MLLT3: variants seen among roughly 807,000 people sequenced by gnomAD.
The protein encoded by MLLT3 is MLLT3 super elongation complex subunit.
In MLLT3, 4 loss-of-function variants were observed where a neutral mutation model predicts 53.2. That is an observed-to-expected ratio of 0.08 (90% confidence interval 0.04 to 0.17). The LOEUF is 0.17. Among genes scored for constraint, MLLT3 ranks in the 10% least tolerant of loss-of-function variants. MLLT3 has a pLI of 1.00. For missense variants in MLLT3, 569 were observed against 684.0 expected, an observed-to-expected ratio of 0.83 and a Z score of 1.87; for synonymous variants, 283 against 230.6, an observed-to-expected ratio of 1.23 and a Z score of -2.06.
At chr9:20,375,542 C>G (rs1821739719) in intron 5 of MLLT3, among the ~76,000 whole-genome samples, 1 of 151,662 alleles carries the variant, frequency 6.6e-6, no homozygotes, top group Admixed American at 6.6e-5. Flanking sequence ...TAACATTTGT[C>G]CAATCAATAT....
Position 20,615,874 on chromosome 9 carries a change from G to GAA in MLLT3, c.193+4778_193+4779dup, listed in dbSNP as rs10579863. ...GTCTTCTATTAAAACAAAGAGATTT[G>GAA]AAAAAAAAAAAAAAAAAGAAAAGAA... On this transcript the variant is annotated intron_variant, in intron 2 of 10. Coordinates refer to ENST00000380338, the MANE Select transcript of MLLT3 (RefSeq NM_004529.4). Among the ~76,000 whole-genome samples the GAA allele has an allele frequency of 4.3e-3, 566 of 132,568 alleles. 5 individuals are homozygous for GAA. Among genetic ancestry groups the GAA allele is most frequent in the African/African-American group, 0.015 (524 of 34,612 alleles). 87.0% of individuals were successfully genotyped at this position (132,568 alleles called of 152,430 possible).
chr9:20,516,192 G>A (rs1193762624), intron 2 of MLLT3, among the ~76,000 whole-genome samples: 1 of 152,262 alleles, frequency 6.6e-6, no homozygotes, highest in African/African-American at 2.4e-5. Context: ...CATGAAGGAG[G>A]AGAAAGTATC....
At chr9:20,507,474 C>G (rs780857670) in intron 2 of MLLT3, among the ~76,000 whole-genome samples, 1 of 151,968 alleles carries the variant, frequency 6.6e-6, no homozygotes, top group Non-Finnish European at 1.5e-5. Context: ...TAAAAAGGTC[C>G]TAGTTTATAT....
chr9:20,343,589 G>A lies in MLLT3; in HGVS notation c.*2854C>T. On this transcript the variant is annotated 3_prime_UTR_variant, in exon 11 of 11. Coordinates refer to ENST00000380338, the MANE Select transcript of MLLT3 (RefSeq NM_004529.4). ...GCAAAAGCTAAGTTATAAGGGGGCA[G>A]AGGGGCAGGAGCTCTGTACATATAT... 1 of 229,878 alleles carries A rather than the reference G, an allele frequency of 4.4e-6. No individual in the cohort carries two copies. Among genetic ancestry groups the A allele is most frequent in the Non-Finnish European group, 8.6e-6 (1 of 115,890 alleles). The allele number at this position is 229,878 out of a possible 1,614,324, so 14.2% of individuals were successfully genotyped here. A position where few individuals can be genotyped will look rare whatever the true frequency, so the allele number is the denominator to read the frequency against.
At chr9:20,510,796 C>A (rs541827017) in intron 2 of MLLT3, among the ~76,000 whole-genome samples, 1 of 151,972 alleles carries the variant, frequency 6.6e-6, no homozygotes, top group African/African-American at 2.4e-5. Context: ...TTAAATTATA[C>A]ATCCTTTAGT....
At chr9:20,589,003 C>A (rs1820053920) in intron 2 of MLLT3, among the ~76,000 whole-genome samples, 1 of 151,200 alleles carries the variant, frequency 6.6e-6, no homozygotes, top group African/African-American at 2.4e-5. Flanking sequence ...TAAACTAGTT[C>A]AACCATTGTG....
chr9:20,505,877 C>T (rs1446787672), intron 2 of MLLT3, among the ~76,000 whole-genome samples: 2 of 152,172 alleles, frequency 1.3e-5, no homozygotes, highest in South Asian at 2.1e-4. Context: ...TTAGATACCC[C>T]CTCAGTGTGA....
At chr9:20,453,605 C>G (rs915083227) in intron 3 of MLLT3, among the ~76,000 whole-genome samples, 1 of 152,112 alleles carries the variant, frequency 6.6e-6, no homozygotes, top group African/African-American at 2.4e-5. Context: ...TTCTTCATTC[C>G]TCTCCTCCAG....
intron 5 of MLLT3, among the ~76,000 whole-genome samples, chr9:20,401,365 T>C: frequency 6.6e-6 from 1 of 152,142 alleles, no homozygotes; most frequent in East Asian, 1.9e-4. Context: ...CAGGAAGGTG[T>C]TTTGGGATAA....
At chr9:20,360,683 G>T in intron 8 of MLLT3, 59 bp downstream of exon 8, 3 of 1,391,070 alleles carry the variant, frequency 2.2e-6, no homozygotes, top group Admixed American at 3.4e-5. Context: ...TGCATGCTTT[G>T]TAAAAATGAT....
intron 10 of MLLT3, among the ~76,000 whole-genome samples, chr9:20,353,320 G>C (rs1197935294): frequency 6.6e-6 from 1 of 152,152 alleles, no homozygotes; most frequent in East Asian, 1.9e-4. Flanking sequence ...TGCACTAGAG[G>C]AGGGAGAACA....
In MLLT3 at chr9:20,346,548, T is replaced by C. The variant is rs947688057; in HGVS notation, c.1602A>G (p.Gly534=). The C allele has an allele frequency of 3.7e-6, 6 of 1,613,704 alleles. No individual in the cohort carries two copies. Among genetic ancestry groups the C allele is most frequent in the Middle Eastern group, 1.6e-4 (1 of 6,062 alleles). The change falls in exon 11 of 11, where the codon GGA becomes GGG. Residue 534 remains glycine (G), a synonymous_variant. Transcript: ENST00000380338. ...QQIVNLIEET[G]HFHITNTTFD... is the part of the protein sequence containing the mutation. The stretch of plus-strand genomic sequence containing the variant: ...ATGTTGTGTTTGTGATATGAAAGTG[T>C]CCAGTTTCTTCTATAAGGTTCACGA...
chr9:20,512,158 T>C (rs1817768323), intron 2 of MLLT3, among the ~76,000 whole-genome samples: 1 of 152,238 alleles, frequency 6.6e-6, no homozygotes, highest in Non-Finnish European at 1.5e-5. Context: ...ATTCTTGATA[T>C]GCCTCCAAGA....
intron 5 of MLLT3, among the ~76,000 whole-genome samples, chr9:20,408,550 A>G (rs975699887): frequency 7.2e-5 from 11 of 152,178 alleles, no homozygotes; most frequent in African/African-American, 2.7e-4. Flanking sequence ...CAGTTATAAA[A>G]CACAGAAAAC....
intron 2 of MLLT3, among the ~76,000 whole-genome samples, chr9:20,461,427 G>C (rs1824105533): frequency 6.6e-6 from 1 of 152,070 alleles, no homozygotes; most frequent in Non-Finnish European, 1.5e-5. Flanking sequence ...TAATTAGTTA[G>C]AAATAAGTCA....
Position 20,346,533 on chromosome 9 carries a change from T to C in MLLT3, c.1617A>G (p.Thr539=), listed in dbSNP as rs1820874720. 1.2e-6 allele frequency: 2 copies of C among 1,613,690 alleles called. No homozygotes were observed. The highest frequency in any genetic ancestry group is 8.5e-7 in the Non-Finnish European group (1 of 1,179,778). ...LIEETGHFHI[T]NTTFDFDLCS... is the part of the protein sequence containing the mutation. ...AAAGATCAAAATCAAATGTTGTGTT[T>C]GTGATATGAAAGTGTCCAGTTTCTT... is the stretch of plus-strand genomic sequence containing the variant. Residue 539 remains threonine (T), a synonymous_variant, in exon 11 of 11, where the codon ACA becomes ACG. Coordinates refer to ENST00000380338, the MANE Select transcript of MLLT3 (RefSeq NM_004529.4).
intron 2 of MLLT3, among the ~76,000 whole-genome samples, chr9:20,537,503 A>G (rs1386131130): frequency 6.6e-6 from 1 of 152,180 alleles, no homozygotes; most frequent in Non-Finnish European, 1.5e-5. Context: ...TGGTTTTCCT[A>G]ATAAAAGAAC....
chr9:20,499,070 A>C (rs2118936202), intron 2 of MLLT3, among the ~76,000 whole-genome samples: 1 of 152,276 alleles, frequency 6.6e-6, no homozygotes, highest in Admixed American at 6.5e-5. Context: ...GGTTGCTGGC[A>C]ATCTTTGAAA....
intron 2 of MLLT3, among the ~76,000 whole-genome samples, chr9:20,494,961 T>C (rs1437108748): frequency 6.6e-6 from 1 of 152,144 alleles, no homozygotes; most frequent in Non-Finnish European, 1.5e-5. Flanking sequence ...GTAATTTGCA[T>C]CTGGATGAGA....
Sources: allele counts gnomAD v4.1 joint callset (sites outside exome capture counted in the v4.1 genomes callset), GRCh38; gene constraint gnomAD v4.1.1; transcripts MANE v1.5; gene names NCBI Gene and HGNC (gene_info 2026-07-23, HGNC 2026-07-21).